Variants in RBFOX1 observed in about 807,000 individuals in gnomAD.
RBFOX1 encodes RNA binding protein fox-1 homolog 1.
A neutral mutation model predicts 57.7 loss-of-function variants in RBFOX1; 8 were observed. That is an observed-to-expected ratio of 0.14 (90% CI 0.08 to 0.25). The LOEUF (loss-of-function observed/expected upper bound fraction) is 0.25. Among genes scored for constraint, RBFOX1 ranks in the 10% least tolerant of loss-of-function variants. The probability of loss-of-function intolerance (pLI) is 1.00; values close to 1 mark genes in which losing one functional copy is unlikely to be tolerated. For missense variants in RBFOX1, 611 were observed against 548.5 expected (o/e 1.11, Z -1.14); for synonymous variants, 326 against 222.4 (o/e 1.47, Z -4.15).
intron 1 of RBFOX1, among the ~76,000 whole-genome samples, chr16:6,158,482 T>C (rs1320373777): frequency 6.6e-6 from 1 of 152,202 alleles, no homozygotes; most frequent in Non-Finnish European, 1.5e-5. Flanking sequence ...TATATAAAAC[T>C]CAGATTTGAA....
At chr16:6,031,930 C>T (rs142744426) in intron 1 of RBFOX1, among the ~76,000 whole-genome samples, 151 of 152,286 alleles carry the variant, frequency 9.9e-4, no homozygotes, top group African/African-American at 3.2e-3. Flanking sequence ...TACAGTCTCA[C>T]GAGAAAGGGG....
chr16:6,040,262 T>C (rs888982552), intron 1 of RBFOX1, among the ~76,000 whole-genome samples: 2 of 152,246 alleles, frequency 1.3e-5, no homozygotes, highest in Non-Finnish European at 2.9e-5. Context: ...TAACATTGAA[T>C]ACATTCATAT....
chr16:5,799,498 C>T (rs1020211542), intron 3 of RBFOX1, among the ~76,000 whole-genome samples: 2 of 152,188 alleles, frequency 1.3e-5, no homozygotes, highest in Admixed American at 1.3e-4. Flanking sequence ...AAGCAACATA[C>T]ATTCAGTAGA....
At chr16:6,045,140 CA>C (rs1302767520) in intron 1 of RBFOX1, among the ~76,000 whole-genome samples, 4 of 152,252 alleles carry the variant, frequency 2.6e-5, no homozygotes, top group Middle Eastern at 3.4e-3. Context: ...GCAAATCACC[CA>C]AGACTCTTGT....
chr16:6,096,456 A>G (rs2152543910), intron 1 of RBFOX1, among the ~76,000 whole-genome samples: 1 of 152,224 alleles, frequency 6.6e-6, no homozygotes, highest in South Asian at 2.1e-4. Flanking sequence ...AGGACTGCTG[A>G]TGCCCTGCAT....
intron 3 of RBFOX1, among the ~76,000 whole-genome samples, chr16:6,954,802 G>C (rs73545341): frequency 0.04 from 6,071 of 152,240 alleles, 166 homozygotes; most frequent in African/African-American, 0.07. Flanking sequence ...AAGGCAGGTA[G>C]AAGGGTTCGA....
intron 3 of RBFOX1, among the ~76,000 whole-genome samples, chr16:7,026,825 T>G (rs1231296875): frequency 6.6e-6 from 1 of 152,222 alleles, no homozygotes; most frequent in East Asian, 1.9e-4. Flanking sequence ...ACATGGCACC[T>G]GCTGATCTGG....
At chr16:7,144,931 C>G (rs369333172) in intron 4 of RBFOX1, among the ~76,000 whole-genome samples, 1 of 152,134 alleles carries the variant, frequency 6.6e-6, no homozygotes, top group Admixed American at 6.5e-5. Flanking sequence ...CCTTTGCCTA[C>G]ATGAAAGTCA....
chr16:6,628,714 C>A (rs73542169), intron 2 of RBFOX1, among the ~76,000 whole-genome samples: 120 of 152,150 alleles, frequency 7.9e-4, no homozygotes, highest in African/African-American at 2.8e-3. Context: ...TTGAAGGGAC[C>A]GTTTGATGAG....
At chr16:7,355,828 C>A (rs866796337) in intron 4 of RBFOX1, among the ~76,000 whole-genome samples, 1 of 152,230 alleles carries the variant, frequency 6.6e-6, no homozygotes, top group Admixed American at 6.5e-5. Context: ...GTGATAATTT[C>A]TTTTCCTTTC....
At chr16:6,422,318 G>C (rs2093798329) in intron 2 of RBFOX1, among the ~76,000 whole-genome samples, 1 of 151,414 alleles carries the variant, frequency 6.6e-6, no homozygotes, top group Non-Finnish European at 1.5e-5. Context: ...TGATACTGAG[G>C]TTCGGGGTGT....
chr16:5,398,428 C>T (rs949203500), intron 1 of RBFOX1, among the ~76,000 whole-genome samples: 3 of 151,274 alleles, frequency 2.0e-5, no homozygotes, highest in Non-Finnish European at 4.4e-5. Context: ...TCTGTAGGTA[C>T]GTGTGTATGC....
chr16:6,709,279 T>C (rs1267942490), intron 3 of RBFOX1, among the ~76,000 whole-genome samples: 2 of 152,172 alleles, frequency 1.3e-5, no homozygotes, highest in Admixed American at 1.3e-4. Context: ...AGCATCTAAC[T>C]GTGCAGAAGA....
intron 3 of RBFOX1, among the ~76,000 whole-genome samples, chr16:7,014,511 G>T (rs998914133): frequency 6.6e-6 from 1 of 151,814 alleles, no homozygotes; most frequent in Non-Finnish European, 1.5e-5. Flanking sequence ...ACAGTGCTAG[G>T]ATTACAGTGA....
intron 1 of RBFOX1, among the ~76,000 whole-genome samples, chr16:6,033,497 A>T (rs2095319818): frequency 6.6e-6 from 1 of 152,214 alleles, no homozygotes; most frequent in African/African-American, 2.4e-5. Context: ...AGATATTTAT[A>T]CCAACAAAAG....
At chr16:7,072,220 G>A (rs1390630835) in intron 4 of RBFOX1, among the ~76,000 whole-genome samples, 1 of 152,150 alleles carries the variant, frequency 6.6e-6, no homozygotes, top group Non-Finnish European at 1.5e-5. Flanking sequence ...AATAAATTAT[G>A]ATCACTGAAC....
chr16:5,896,061 T>C (rs1016137543), intron 4 of RBFOX1, among the ~76,000 whole-genome samples: 1 of 152,076 alleles, frequency 6.6e-6, no homozygotes, highest in Non-Finnish European at 1.5e-5. Flanking sequence ...GGGATTTTCC[T>C]TAGGAGATTT....
chr16:6,025,747 C>T (rs1161832938), intron 1 of RBFOX1, among the ~76,000 whole-genome samples: 7 of 152,134 alleles, frequency 4.6e-5, no homozygotes, highest in African/African-American at 7.2e-5. Flanking sequence ...TGAGTGCAGC[C>T]GACGTTGTCC....
chr16:7,431,609 G>A (rs1477214519), intron 4 of RBFOX1, among the ~76,000 whole-genome samples: 5 of 152,126 alleles, frequency 3.3e-5, no homozygotes, highest in South Asian at 2.1e-4. Flanking sequence ...ATGTGTCATC[G>A]GTGATATTTA....
Sources: allele counts gnomAD v4.1 joint callset (sites outside exome capture counted in the v4.1 genomes callset), GRCh38; gene constraint gnomAD v4.1.1; transcripts MANE v1.5; gene names NCBI Gene and HGNC (gene_info 2026-07-23, HGNC 2026-07-21).